The following AGRN variants were observed in gnomAD, a reference collection of about 807,000 sequenced individuals.
AGRN encodes agrin.
AGRN carries 106 observed loss-of-function variants against 211.0 expected under a neutral mutation model. The observed-to-expected ratio is 0.50, with a 90% confidence interval of 0.43 to 0.59. The LOEUF (loss-of-function observed/expected upper bound fraction) is 0.59. AGRN is among the 20% of genes least tolerant of loss of function. AGRN has a pLI of 0.00. For missense variants in AGRN, 3,040 were observed against 2,982.6 expected (o/e 1.02, Z -0.45); for synonymous variants, 1,525 against 1,332.5 (o/e 1.14, Z -3.15).
chr1:1,020,578 C>T (rs1016704189), intron 1 of AGRN, among the ~76,000 whole-genome samples: 2 of 152,086 alleles, frequency 1.3e-5, no homozygotes, highest in Non-Finnish European at 2.9e-5. Flanking sequence ...CGCCGTCCTC[C>T]GCCCGCCGCC....
chr1:1,030,526 G>A (rs1243475746), intron 2 of AGRN, among the ~76,000 whole-genome samples: 3 of 106,908 alleles, frequency 2.8e-5, no homozygotes, highest in Non-Finnish European at 3.9e-5. Flanking sequence ...TGCTGTGTGA[G>A]ATCAGCGTGT....
At chr1:1,038,964 C>A (rs1453304670) in intron 3 of AGRN, among the ~76,000 whole-genome samples, 1 of 152,192 alleles carries the variant, frequency 6.6e-6, no homozygotes, top group Non-Finnish European at 1.5e-5. Context: ...GCCCTCATGA[C>A]TATACTTACA....
At chr1:1,025,573 C>G (rs1004852896) in intron 2 of AGRN, among the ~76,000 whole-genome samples, 2 of 152,122 alleles carry the variant, frequency 1.3e-5, no homozygotes, top group Non-Finnish European at 2.9e-5. Flanking sequence ...ATTCCTGCCA[C>G]CCTCTCCTGC....
At chr1:1,053,678 C>A in intron 33 of AGRN, 75 bp from the exon 34 acceptor site, 1 of 1,514,962 alleles carries the variant, frequency 6.6e-7, no homozygotes, top group Non-Finnish European at 8.9e-7. Flanking sequence ...CAGCTGGGGC[C>A]CTTGTCCTCC....
chr1:1,052,801 T>C (rs1327013562), intron 33 of AGRN: 1 of 155,142 alleles, frequency 6.4e-6, no homozygotes, highest in African/African-American at 2.5e-5. Context: ...TGTATGTGTG[T>C]GTATATGAGG....
At chr1:1,041,034 G>GGCGGGA (rs1161698253) in intron 4 of AGRN, 139 bp from the exon 5 acceptor site, 1 of 568,744 alleles carries the variant, frequency 1.8e-6, no homozygotes, top group Non-Finnish European at 2.4e-6. Flanking sequence ...GGCGGAGCGG[G>GGCGGGA]GCGGGAGCGG....
chr1:1,046,452 A>G lies in AGRN; in HGVS notation c.2967A>G (p.Pro989=). The G allele has an allele frequency of 6.2e-7, 1 of 1,611,678 alleles. No individual in the cohort carries two copies. The highest frequency in any genetic ancestry group is 8.5e-7 in the Non-Finnish European group (1 of 1,179,686). ...CTGCCTCCGTGACTGTGACCACCCC[A>G]GGGCTCCTCCTGAGCCAGGCACTGC... ...PTSASVTVTT[P]GLLLSQALPA... The change falls in exon 18 of 36, where the codon CCA becomes CCG. Residue 989 remains proline, a synonymous_variant. Coordinates refer to ENST00000379370, the MANE Select transcript of AGRN (RefSeq NM_198576.4).
At position 1,041,544 on chromosome 1, in the gene AGRN, C is replaced by G. The variant is rs755294285; in HGVS notation, c.1019C>G (p.Pro340Arg). Residue 340 changes from proline to arginine, a missense_variant, in exon 6 of 36, where the codon CCT (proline) becomes CGT (arginine). By Grantham distance (103) the Pro-to-Arg change is moderately radical (BLOSUM62 -2). Around this residue, in one of 3 missense-constraint regions of AGRN, gnomAD observed 1,498 missense variants for 1,457.8 expected, o/e 1.03. Transcript: ENST00000379370. ...SCRVNPRTRRPEMLLRPESCP... is the reference protein window; with the variant it reads ...SCRVNPRTRRREMLLRPESCP... ...CGTGTGAACCCGCGCACGCGGCGCC[C>G]TGAGATGCTCCTACGGCCCGAGAGC... 9 of 1,607,344 alleles carry G rather than the reference C, an allele frequency of 5.6e-6. No homozygotes were observed. The South Asian group carries it at 7.7e-5, about 14-fold the overall frequency.
rs933933798 is a variant in AGRN at position 1,020,659 on chromosome 1, C to G, written c.201+286C>G. On this transcript the variant is annotated intron_variant, in intron 1 of 35. Coordinates refer to ENST00000379370, the MANE Select transcript of AGRN (RefSeq NM_198576.4). ...GCTGCCGCGCGCCCTCCCTACCGGCCGAGAAGGAGAGGGGCCTGGGGAGGG... is the reference window on the plus strand; with the variant it reads ...GCTGCCGCGCGCCCTCCCTACCGGCGGAGAAGGAGAGGGGCCTGGGGAGGG... Among the ~76,000 whole-genome samples the G allele has an allele frequency of 5.3e-5, 8 of 151,634 alleles. No homozygotes were observed. In the East Asian group the frequency reaches 1.2e-3, roughly 22 times the overall value.
intron 3 of AGRN, among the ~76,000 whole-genome samples, chr1:1,037,285 C>T (rs986900196): frequency 6.6e-6 from 1 of 152,206 alleles, no homozygotes; most frequent in East Asian, 1.9e-4. Flanking sequence ...GCCTCGTTTC[C>T]TGACACCCAG....
chr1:1,028,325 C>A (rs1391322646), intron 2 of AGRN, among the ~76,000 whole-genome samples: 3,527 of 129,830 alleles, frequency 0.027, 341 homozygotes, highest in East Asian at 0.25. Flanking sequence ...GAAACGCCCC[C>A]CCCCCCCCCC....
Position 1,032,261 on chromosome 1 carries a change from C to T in AGRN, c.464-3016C>T, listed in dbSNP as rs1644690562. 6.6e-6 allele frequency among the ~76,000 whole-genome samples: 1 copy of T among 152,036 alleles called. No individual in the cohort carries two copies. On this transcript the variant is annotated intron_variant, in intron 2 of 35. Transcript: ENST00000379370. The surrounding 1 kb of genome is among the most constrained non-coding windows in gnomAD (Gnocchi z 4.7). ...TCATTGGAACACCAGGTTCCAGGGCCGTAGAGATGTGGAGGCCTCCTGTCT... is the reference window on the plus strand; with the variant it reads ...TCATTGGAACACCAGGTTCCAGGGCTGTAGAGATGTGGAGGCCTCCTGTCT...
intron 2 of AGRN, among the ~76,000 whole-genome samples, chr1:1,024,359 A>G (rs1436513826): frequency 1.3e-5 from 2 of 151,762 alleles, no homozygotes; most frequent in African/African-American, 4.8e-5. Context: ...GGAGATAAGG[A>G]CATTGAACCC....
At position 1,041,613 on chromosome 1, in the gene AGRN, C is replaced by G; in HGVS notation, c.1088C>G (p.Thr363Ser). 6.2e-7 allele frequency: 1 copy of G among 1,611,422 alleles called. No individual in the cohort carries two copies. The change falls in exon 6 of 36, where the codon ACC (threonine) becomes AGC (serine). Residue 363 changes from threonine to serine, a missense_variant. By Grantham distance (58) the Thr-to-Ser change is moderately conservative. This residue lies in a region of AGRN where 1,498 missense variants were observed against 1,457.8 expected (regional missense o/e 1.03). Transcript: ENST00000379370. ...QAPVCGDDGV[T>S]YENDCVMGRS... ...CCAGTGTGTGGGGACGACGGAGTCACCTACGAAAACGACTGTGTCATGGGC... is the reference window on the plus strand; with the variant it reads ...CCAGTGTGTGGGGACGACGGAGTCAGCTACGAAAACGACTGTGTCATGGGC...
intron 7 of AGRN, 75 bp from the exon 8 acceptor site, chr1:1,043,164 C>A (rs569803883): frequency 2.0e-6 from 3 of 1,483,322 alleles, no homozygotes; most frequent in East Asian, 4.9e-5. Flanking sequence ...AGAGGGACTG[C>A]TGCGTGGGGC....
chr1:1,050,972 T>G (rs2100686027), intron 30 of AGRN, 135 bp downstream of exon 30: 2 of 1,550,556 alleles, frequency 1.3e-6, no homozygotes, highest in East Asian at 2.4e-5. Flanking sequence ...GTCCTCTGCC[T>G]CCTCTGCCTC....
At chr1:1,024,767 A>G (rs376133082) in intron 2 of AGRN, among the ~76,000 whole-genome samples, 2 of 151,476 alleles carry the variant, frequency 1.3e-5, no homozygotes, top group South Asian at 2.1e-4. Flanking sequence ...CCAGTCAACA[A>G]CCCTCAGAAA....
Position 1,049,012 on chromosome 1 carries a change from C to T in AGRN, c.4251C>T (p.Gly1417=). Residue 1417 remains glycine (G), a synonymous_variant, in exon 24 of 36, where the codon GGC becomes GGT. Coordinates refer to ENST00000379370, the MANE Select transcript of AGRN (RefSeq NM_198576.4). Reference sequence around the variant, plus strand: ...TGCTGTACAATGGCAACGCCCGGGGCAAGGACTTCCTGGCATTGGCGCTGC... The same window carrying T: ...TGCTGTACAATGGCAACGCCCGGGGTAAGGACTTCCTGGCATTGGCGCTGC... ...GLLLYNGNAR[G]KDFLALALLD... The T allele has an allele frequency of 6.3e-7, 1 of 1,578,276 alleles. No homozygotes were observed. The highest frequency in any genetic ancestry group is 8.6e-7 in the Non-Finnish European group (1 of 1,164,584).
In AGRN at chr1:1,048,355, C is replaced by T; in HGVS notation, c.4095C>T (p.Val1365=). The T allele has an allele frequency of 5.5e-6, 8 of 1,464,522 alleles. No homozygotes were observed. Among genetic ancestry groups the T allele is most frequent in the Non-Finnish European group, 7.2e-6 (8 of 1,104,798 alleles). 90.7% of individuals were successfully genotyped at this position (1,464,522 alleles called of 1,614,324 possible). The stretch of plus-strand genomic sequence containing the variant: ...GCCCGGCAGGCAGGGGAGGCGCCGT[C>T]TGTGAGAAGGGTAAGGATGTCCACT... The part of the protein sequence containing the change: ...CSCPAGRGGA[V]CEKVLGAPVP... The change falls in exon 23 of 36, where the codon GTC becomes GTT. Residue 1365 remains valine (V), a synonymous_variant. Transcript: ENST00000379370. The surrounding 1 kb of genome is among the most constrained non-coding windows in gnomAD (Gnocchi z 5.9).
Sources: allele counts gnomAD v4.1 joint callset (sites outside exome capture counted in the v4.1 genomes callset), GRCh38; gene constraint gnomAD v4.1.1; regional missense constraint gnomAD v4.1.1; non-coding constraint Gnocchi (gnomAD v3.1); transcripts MANE v1.5; gene names NCBI Gene and HGNC (gene_info 2026-07-23, HGNC 2026-07-21).